The following HDAC9 variants were observed in gnomAD, a reference collection of about 807,000 sequenced individuals.
HDAC9 encodes the protein histone deacetylase 9.
A neutral mutation model predicts 139.4 loss-of-function variants in HDAC9; 41 were observed. That is an observed-to-expected ratio of 0.29 (90% CI 0.23 to 0.38). The LOEUF is 0.38. Ranked by LOEUF, HDAC9 falls within the 10% of genes least tolerant of loss-of-function variation. The pLI, the probability that HDAC9 is intolerant of heterozygous loss-of-function variation, is 1.00. For synonymous variants in HDAC9, 517 were observed against 476.2 expected, an observed-to-expected ratio of 1.09 and a Z score of -1.12; for missense variants, 1,147 against 1,297.0, an observed-to-expected ratio of 0.88 and a Z score of 1.78.
At chr7:18,380,621 A>G (rs942570501) in intron 1 of HDAC9, among the ~76,000 whole-genome samples, 5 of 152,216 alleles carry the variant, frequency 3.3e-5, no homozygotes, top group Admixed American at 3.3e-4. Context: ...GGTATGGTCT[A>G]GCGATGGTCT....
chr7:18,838,728 G>C (rs1446840531), intron 21 of HDAC9, among the ~76,000 whole-genome samples: 1 of 151,942 alleles, frequency 6.6e-6, no homozygotes, highest in African/African-American at 2.4e-5. Context: ...GTGGGTGCAG[G>C]AAATGGAGGT....
chr7:18,945,476 G>GT (rs1286760059), intron 23 of HDAC9, among the ~76,000 whole-genome samples: 1 of 152,170 alleles, frequency 6.6e-6, no homozygotes, highest in Non-Finnish European at 1.5e-5. Flanking sequence ...ATAATTGAAA[G>GT]TAACTTTTTA....
intron 12 of HDAC9, chr7:18,668,142 A>G: frequency 1.2e-6 from 1 of 857,230 alleles, no homozygotes; most frequent in Non-Finnish European, 1.4e-6. Flanking sequence ...TGCTAAAGAT[A>G]CATTATCCTT....
rs918980006 is a variant in HDAC9 at position 19,002,198 on chromosome 7, A to C, written c.*6136A>C. ...TAATCTAATAAAGGATTAATATCTA[A>C]TAACAATACCATTGTTGAACATGCT... On this transcript the variant is annotated 3_prime_UTR_variant, in exon 26 of 26. Coordinates refer to ENST00000686413, the MANE Select transcript of HDAC9 (RefSeq NM_178425.4). The C allele has an allele frequency of 2.6e-5, 4 of 152,136 alleles. No homozygotes were observed. Among genetic ancestry groups the C allele is most frequent in the Non-Finnish European group, 2.9e-5 (2 of 67,988 alleles). 9.4% of individuals were successfully genotyped at this position (152,136 alleles called of 1,614,324 possible).
chr7:18,214,643 CTT>C (rs993348194), intron 2 of HDAC9, among the ~76,000 whole-genome samples: 4 of 151,928 alleles, frequency 2.6e-5, no homozygotes, highest in African/African-American at 4.8e-5. Flanking sequence ...GCATAGGAAA[CTT>C]ATATATAATA....
chr7:18,613,382 G>C (rs1584118287), intron 6 of HDAC9, among the ~76,000 whole-genome samples: 1 of 151,978 alleles, frequency 6.6e-6, no homozygotes, highest in African/African-American at 2.4e-5. Flanking sequence ...ACACTGGGCT[G>C]GAAGTTGTGG....
At chr7:18,458,595 TA>T (rs1216095865) in intron 1 of HDAC9, among the ~76,000 whole-genome samples, 1 of 152,268 alleles carries the variant, frequency 6.6e-6, no homozygotes, top group Non-Finnish European at 1.5e-5. Context: ...TACTGTGTTT[TA>T]ACTGATGAAT....
At chr7:18,665,072 T>C (rs972174921) in intron 11 of HDAC9, among the ~76,000 whole-genome samples, 6 of 152,184 alleles carry the variant, frequency 3.9e-5, no homozygotes, top group Non-Finnish European at 7.3e-5. Flanking sequence ...GGCTGAGGTG[T>C]CCATCTAAGT....
At chr7:18,199,459 C>T (rs1430927987) in intron 2 of HDAC9, among the ~76,000 whole-genome samples, 1 of 151,916 alleles carries the variant, frequency 6.6e-6, no homozygotes, top group Non-Finnish European at 1.5e-5. Flanking sequence ...CAAGGATCTG[C>T]TGTTATTGTT....
At chr7:18,751,815 TA>T (rs1201970955) in intron 14 of HDAC9, among the ~76,000 whole-genome samples, 11 of 152,150 alleles carry the variant, frequency 7.2e-5, no homozygotes, top group Non-Finnish European at 1.3e-4. Flanking sequence ...ACTATTTTCA[TA>T]ACTTATTTTC....
intron 16 of HDAC9, among the ~76,000 whole-genome samples, chr7:18,772,851 C>T (rs1040729414): frequency 5.3e-5 from 8 of 152,006 alleles, no homozygotes; most frequent in Middle Eastern, 3.4e-3. Context: ...CCTCAGACTT[C>T]GAAAAAATGC....
At chr7:18,526,248 A>G (rs889097228) in intron 2 of HDAC9, among the ~76,000 whole-genome samples, 1 of 152,162 alleles carries the variant, frequency 6.6e-6, no homozygotes, top group African/African-American at 2.4e-5. Context: ...TGTGTCTTAA[A>G]TCATCTTCCT....
intron 1 of HDAC9, among the ~76,000 whole-genome samples, chr7:18,459,742 A>G (rs530442606): frequency 1.3e-5 from 2 of 152,282 alleles, no homozygotes; most frequent in Non-Finnish European, 2.9e-5. Context: ...GGGCTACATC[A>G]TATAACTTCC....
chr7:18,696,783 TACTTG>T (rs1289648385), intron 12 of HDAC9, among the ~76,000 whole-genome samples: 5 of 152,250 alleles, frequency 3.3e-5, no homozygotes, highest in South Asian at 2.1e-4. Context: ...TTCTTATTAT[TACTTG>T]ACTTAGGAAT....
intron 23 of HDAC9, among the ~76,000 whole-genome samples, chr7:18,946,003 C>T (rs1782363613): frequency 1.6e-5 from 2 of 123,996 alleles, no homozygotes; most frequent in South Asian, 5.2e-4. Context: ...CACCACTGCA[C>T]TCCAGCCTGG....
intron 17 of HDAC9, among the ~76,000 whole-genome samples, chr7:18,818,828 G>A (rs1273379573): frequency 2.0e-5 from 3 of 152,106 alleles, no homozygotes; most frequent in Non-Finnish European, 2.9e-5. Flanking sequence ...ATACTATTTG[G>A]CTATGGGGAT....
At chr7:18,252,117 G>C (rs953609189) in intron 2 of HDAC9, among the ~76,000 whole-genome samples, 2 of 152,186 alleles carry the variant, frequency 1.3e-5, no homozygotes, top group African/African-American at 4.8e-5. Context: ...AGAAGATGAA[G>C]TCTTCTGCCT....
intron 1 of HDAC9, among the ~76,000 whole-genome samples, chr7:18,304,333 A>G (rs916200581): frequency 6.6e-6 from 1 of 152,232 alleles, no homozygotes; most frequent in African/African-American, 2.4e-5. Flanking sequence ...GCTGGTACTG[A>G]TAGAGCCAGG....
chr7:18,746,066 T>A (rs1182084274), intron 13 of HDAC9, among the ~76,000 whole-genome samples: 1 of 151,338 alleles, frequency 6.6e-6, no homozygotes, highest in Non-Finnish European at 1.5e-5. Context: ...AGACAGGGTC[T>A]CCCTATGTTG....
Sources: gnomAD v4.1 joint callset for allele counts (sites outside exome capture counted in the v4.1 genomes callset) on GRCh38, gnomAD v4.1.1 for gene constraint, MANE v1.5 for transcripts, NCBI Gene and HGNC (gene_info 2026-07-23, HGNC 2026-07-21) for gene names.